The following FGR variants were observed in gnomAD, a reference collection of about 807,000 sequenced individuals.
FGR encodes tyrosine-protein kinase Fgr.
In FGR, 26 loss-of-function variants were observed where a neutral mutation model predicts 63.2. The observed-to-expected ratio is 0.41, with a 90% CI of 0.30 to 0.57. The LOEUF (loss-of-function observed/expected upper bound fraction) is 0.57, where lower values mean the gene tolerates loss of function less well. Among genes scored for constraint, FGR ranks in the 20% least tolerant of loss-of-function variants. The pLI is 0.27. For missense variants in FGR, 511 were observed against 690.8 expected (o/e 0.74, Z 2.92); for synonymous variants, 286 against 277.7 (o/e 1.03, Z -0.30).
intron 1 of FGR, among the ~76,000 whole-genome samples, chr1:27,631,675 C>G (rs1329000014): frequency 2.0e-5 from 3 of 152,334 alleles, no homozygotes; most frequent in African/African-American, 7.2e-5. Flanking sequence ...TTTCACTTCC[C>G]TCCTTTCCCT....
intron 11 of FGR, among the ~76,000 whole-genome samples, 155 bp downstream of exon 11, chr1:27,614,275 G>A (rs1272380759): frequency 6.6e-6 from 1 of 152,194 alleles, no homozygotes; most frequent in Non-Finnish European, 1.5e-5. Context: ...GTAAGTGGCC[G>A]ACCTGGGATT....
At chr1:27,626,218 C>T (rs1296836109) in intron 1 of FGR, 1 of 398,594 alleles carries the variant, frequency 2.5e-6, no homozygotes, top group Non-Finnish European at 4.4e-6. Context: ...CTGCCAGAAA[C>T]ATTGCCATTG....
intron 2 of FGR, among the ~76,000 whole-genome samples, chr1:27,624,683 G>T (rs2089989592): frequency 6.6e-6 from 1 of 152,088 alleles, no homozygotes; most frequent in Non-Finnish European, 1.5e-5. Context: ...GACCGTGTTT[G>T]TGTGCATGTG....
rs377616794 is a variant in FGR, at chr1:27,621,707, C to T, written c.330-50G>A. The T allele has an allele frequency of 2.3e-5, 31 of 1,368,870 alleles. 1 individual carries two copies. In the African/African-American group the frequency reaches 4.0e-4, roughly 18 times the overall value. 84.8% of individuals were successfully genotyped at this position (1,368,870 alleles called of 1,614,324 possible). Reference sequence around the variant, plus strand: ...TCAGCAGCACCTCCAGCCCCCAAGGCACCCTGAGGCCAGGTGGAGCCACAC... The same window carrying T: ...TCAGCAGCACCTCCAGCCCCCAAGGTACCCTGAGGCCAGGTGGAGCCACAC... On this transcript the variant is annotated intron_variant, in intron 4 of 12. Transcript: ENST00000374005.
rs1195563470 is a variant in FGR, at chr1:27,615,854, G to A, written c.683-10C>T. 1 of 1,568,976 alleles carries A rather than the reference G, an allele frequency of 6.4e-7. No homozygotes were observed. The highest frequency in any genetic ancestry group is 8.7e-7 in the Non-Finnish European group (1 of 1,154,358). ...AGCCCGTCATTCACCTCTAGGGGAG[G>A]GGTCATGAAGTAGAGTCACAGGTGG... On this transcript the variant is annotated splice_polypyrimidine_tract_variant and intron_variant, in intron 7 of 12. Transcript: ENST00000374005. This position sits in a 1 kb window ranked among gnomAD's most constrained non-coding sequence, Gnocchi z 7.6.
At chr1:27,614,303 C>G in intron 11 of FGR, 127 bp downstream of exon 11, 1 of 1,118,862 alleles carries the variant, frequency 8.9e-7, no homozygotes, top group Non-Finnish European at 1.2e-6. Flanking sequence ...AGAATTGCCT[C>G]TCATACTACA....
chr1:27,618,619 C>T (rs941168689), intron 5 of FGR, among the ~76,000 whole-genome samples: 53 of 152,128 alleles, frequency 3.5e-4, no homozygotes, highest in Non-Finnish European at 7.4e-5. Flanking sequence ...CTCTTCTTCA[C>T]GCCTCCTACC....
intron 1 of FGR, among the ~76,000 whole-genome samples, chr1:27,631,315 C>A (rs2090101268): frequency 1.3e-5 from 2 of 152,174 alleles, no homozygotes; most frequent in African/African-American, 2.4e-5. Context: ...AGGGAGGGAC[C>A]CTGCCTCCCA....
intron 1 of FGR, among the ~76,000 whole-genome samples, chr1:27,634,076 G>A (rs981729296): frequency 6.6e-6 from 1 of 152,024 alleles, no homozygotes; most frequent in Non-Finnish European, 1.5e-5. Context: ...CTCCTACCTC[G>A]GTCGGGAAGC....
rs959934596 is a variant in FGR at position 27,617,278 on chromosome 1, A to C, written c.447T>G (p.Ile149Met). ...GCTGCCTCTCTGCATCCTTTCTCCC[A>C]ATCTTTCCAAAGTACCACCTGTTGG... ...IQAEEWYFGKIGRKDAERQLL... is the reference protein window; with the variant it reads ...IQAEEWYFGKMGRKDAERQLL... The change falls in exon 6 of 13, where the codon ATT becomes ATG. Residue 149 changes from isoleucine (I) to methionine (M), a missense_variant. Physicochemically the swap from Ile to Met is conservative, Grantham distance 10. Transcript: ENST00000374005. The surrounding 1 kb of genome is among the most constrained non-coding windows in gnomAD (Gnocchi z 4.5). 8 of 1,613,886 alleles carry C rather than the reference A, an allele frequency of 5.0e-6. No homozygotes were observed. The highest frequency in any genetic ancestry group is 6.8e-6 in the Non-Finnish European group (8 of 1,179,932).
At chr1:27,620,991 C>CAAAAAAAAAAAAA (rs59265327) in intron 5 of FGR, among the ~76,000 whole-genome samples, 26 of 22,008 alleles carry the variant, frequency 1.2e-3, no homozygotes, top group African/African-American at 1.7e-3. Flanking sequence ...GACCCTGTCT[C>CAAAAAAAAAAAAA]AAAAAAAAAA....
At chr1:27,622,880 C>G (rs562156429) in intron 4 of FGR, among the ~76,000 whole-genome samples, 162 bp downstream of exon 4, 2 of 152,216 alleles carry the variant, frequency 1.3e-5, no homozygotes, top group East Asian at 1.9e-4. Flanking sequence ...ACACCACCCC[C>G]CTCAACCAGC....
chr1:27,632,294 G>A (rs2090117713), intron 1 of FGR, among the ~76,000 whole-genome samples: 1 of 151,924 alleles, frequency 6.6e-6, no homozygotes, highest in Non-Finnish European at 1.5e-5. Flanking sequence ...CTGCCACCAT[G>A]CCCAGCTAAA....
intron 1 of FGR, among the ~76,000 whole-genome samples, chr1:27,627,579 C>A (rs1322690361): frequency 1.3e-5 from 2 of 152,152 alleles, no homozygotes; most frequent in African/African-American, 4.8e-5. Context: ...TTTATCCACA[C>A]AACCCTATGA....
intron 4 of FGR, among the ~76,000 whole-genome samples, chr1:27,622,652 T>C: frequency 6.6e-6 from 1 of 152,166 alleles, no homozygotes. Context: ...ATTACAGGCA[T>C]GCGCCACCAT....
Position 27,620,991 on chromosome 1 carries a change from C to CAAAAAAAAAAAAAAAAAAA in FGR, c.428+549_428+567dup, listed in dbSNP as rs59265327. On this transcript the variant is annotated intron_variant, in intron 5 of 12. Transcript: ENST00000374005. ...TAGGCAACAGAGTAGGACCCTGTCT[C>CAAAAAAAAAAAAAAAAAAA]AAAAAAAAAAAAAAAAAAAAAAAAA... is the stretch of plus-strand genomic sequence containing the variant. Among the ~76,000 whole-genome samples, 14 of 22,032 alleles carry CAAAAAAAAAAAAAAAAAAA rather than the reference C, an allele frequency of 6.4e-4. 1 individual carries two copies. Among genetic ancestry groups the CAAAAAAAAAAAAAAAAAAA allele is most frequent in the Admixed American group, 2.7e-3 (4 of 1,470 alleles). 14.5% of individuals were successfully genotyped at this position (22,032 alleles called of 152,430 possible).
intron 10 of FGR, 50 bp from the exon 11 acceptor site, chr1:27,614,633 C>T: frequency 6.3e-7 from 1 of 1,598,608 alleles, no homozygotes; most frequent in Non-Finnish European, 8.6e-7. Context: ...ACTCACAACA[C>T]CGTGGCCTGT....
At chr1:27,625,439 C>G (rs922341383) in intron 1 of FGR, among the ~76,000 whole-genome samples, 1 of 152,152 alleles carries the variant, frequency 6.6e-6, no homozygotes, top group African/African-American at 2.4e-5. Flanking sequence ...CGTGCCAACC[C>G]CATCACACGC....
chr1:27,635,084 G>C lies in FGR; in HGVS notation c.-96C>G, dbSNP rs2090160902. On this transcript the variant is annotated 5_prime_UTR_variant, in exon 1 of 13. Transcript: ENST00000374005. ...GCTTACCTGGAGCCCAATTCTGCCC[G>C]GCCCCGGGGTGAGCCAGCCGGGGCT... 1 of 152,286 alleles carries C rather than the reference G, an allele frequency of 6.6e-6. No homozygotes were observed. The highest frequency in any genetic ancestry group is 2.1e-4 in the South Asian group (1 of 4,832). 9.4% of individuals were successfully genotyped at this position (152,286 alleles called of 1,614,324 possible). A position where few individuals can be genotyped will look rare whatever the true frequency, so the allele number is the denominator to read the frequency against.
Sources: gnomAD v4.1 joint callset for allele counts (sites outside exome capture counted in the v4.1 genomes callset) on GRCh38, gnomAD v4.1.1 for gene constraint, Gnocchi (gnomAD v3.1) non-coding constraint, MANE v1.5 for transcripts, NCBI Gene and HGNC (gene_info 2026-07-23, HGNC 2026-07-21) for gene names.